SLC26A11: variants seen among roughly 807,000 people sequenced by gnomAD.
SLC26A11 encodes solute carrier family 26 member 11.
SLC26A11 carries 58 observed loss-of-function variants against 62.2 expected under a neutral mutation model. The observed-to-expected ratio is 0.93, with a 90% CI of 0.76 to 1.16. SLC26A11 has a LOEUF of 1.16. SLC26A11 is among the 50% of genes most tolerant of loss of function. The probability of loss-of-function intolerance (pLI) is 0.00; values close to 1 mark genes in which losing one functional copy is unlikely to be tolerated. For synonymous variants in SLC26A11, 411 were observed against 368.9 expected, an observed-to-expected ratio of 1.11 and a Z score of -1.31; for missense variants, 790 against 794.3, an observed-to-expected ratio of 0.99 and a Z score of 0.06.
intron 14 of SLC26A11, 90 bp downstream of exon 14, chr17:80,248,347 G>C (rs566701099): frequency 1.3e-6 from 2 of 1,488,276 alleles, no homozygotes; most frequent in East Asian, 4.9e-5. Flanking sequence ...GGTGATTGTG[G>C]TCGTGGGTGC....
intron 13 of SLC26A11, among the ~76,000 whole-genome samples, chr17:80,247,421 G>A (rs892805135): frequency 3.3e-5 from 5 of 152,142 alleles, no homozygotes; most frequent in Non-Finnish European, 4.4e-5. Flanking sequence ...AGGGGCGGCC[G>A]GGCAGAGGCG....
At chr17:80,233,597 TA>T (rs36178099) in intron 7 of SLC26A11, among the ~76,000 whole-genome samples, 3 of 151,706 alleles carry the variant, frequency 2.0e-5, no homozygotes, top group African/African-American at 4.8e-5. Context: ...TTTTTTTTTT[TA>T]TTTGACAGGA....
intron 5 of SLC26A11, among the ~76,000 whole-genome samples, chr17:80,224,344 AGTGGGT>A (rs968944602): frequency 1.3e-4 from 18 of 138,262 alleles, no homozygotes; most frequent in Non-Finnish European, 2.0e-4. Context: ...AGAGTGTGAG[AGTGGGT>A]GTGGGTGTGA....
rs759207972 is a variant in SLC26A11 at position 80,246,238 on chromosome 17, C to T, written c.1153+29C>T. ...AGGCCCCCCATCTTCCCCTTGTGCC[C>T]GCAGCCCTGAGAGTGGGAGAAAGGG... On this transcript the variant is annotated intron_variant, in intron 12 of 17. Coordinates refer to ENST00000361193, the MANE Select transcript of SLC26A11 (RefSeq NM_001166347.2). The surrounding 1 kb of genome is among the most constrained non-coding windows in gnomAD (Gnocchi z 4.4). The T allele has an allele frequency of 1.9e-5, 30 of 1,599,980 alleles. No individual in the cohort carries two copies. The highest frequency in any genetic ancestry group is 1.7e-4 in the Middle Eastern group (1 of 5,994).
chr17:80,250,002 C>T lies in SLC26A11; in HGVS notation c.1656+715C>T, dbSNP rs74000671. Among the ~76,000 whole-genome samples the T allele has an allele frequency of 5.2e-3, 798 of 152,272 alleles. 13 individuals are homozygous for T. Among genetic ancestry groups the T allele is most frequent in the African/African-American group, 0.019 (778 of 41,540 alleles). On this transcript the variant is annotated intron_variant, in intron 16 of 17. Transcript: ENST00000361193. ...GCTGAAGACGGGTTTCTATGGAGGC[C>T]GTCCTGTTCAGAGCCACAGGTAAAG...
chr17:80,248,262 C>G lies in SLC26A11; in HGVS notation c.1422+5C>G. On this transcript the variant is annotated splice_donor_5th_base_variant and intron_variant, in intron 14 of 17. Coordinates refer to ENST00000361193, the MANE Select transcript of SLC26A11 (RefSeq NM_001166347.2). ...GCAGCCAGGCCTGAGACCAAGGTAC[C>G]CCTCCGTGGCCTCTGAGTGGGGAGT... 6.2e-7 allele frequency: 1 copy of G among 1,606,064 alleles called. No homozygotes were observed. Among genetic ancestry groups the G allele is most frequent in the South Asian group, 1.1e-5 (1 of 90,296 alleles).
intron 16 of SLC26A11, among the ~76,000 whole-genome samples, 170 bp from the exon 17 acceptor site, chr17:80,251,159 T>G (rs78784470): frequency 6.6e-6 from 1 of 151,314 alleles, no homozygotes; most frequent in East Asian, 1.9e-4. Flanking sequence ...AAAAAAAAAA[T>G]CTTCCTCTGA....
chr17:80,225,412 A>G (rs1033045908), intron 5 of SLC26A11, among the ~76,000 whole-genome samples: 10 of 152,110 alleles, frequency 6.6e-5, no homozygotes, highest in Non-Finnish European at 1.3e-4. Flanking sequence ...TGAGGGAGAC[A>G]TTCTCAAGCC....
Position 80,227,114 on chromosome 17 carries a change from G to C in SLC26A11, c.594-704G>C, listed in dbSNP as rs538916529. On this transcript the variant is annotated intron_variant, in intron 6 of 17. Coordinates refer to ENST00000361193, the MANE Select transcript of SLC26A11 (RefSeq NM_001166347.2). ...TAAGCCTTCTAGAATGTCTAGAGCAGGGTGTCCAGTCTTTTGTCTTCCCTG... is the reference window on the plus strand; with the variant it reads ...TAAGCCTTCTAGAATGTCTAGAGCACGGTGTCCAGTCTTTTGTCTTCCCTG... Among the ~76,000 whole-genome samples, 15 of 152,330 alleles carry C rather than the reference G, an allele frequency of 9.8e-5. 1 individual carries two copies. The South Asian group carries it at 3.1e-3, about 32-fold the overall frequency.
chr17:80,239,391 CTT>C (rs576920538), intron 9 of SLC26A11, among the ~76,000 whole-genome samples: 10 of 131,576 alleles, frequency 7.6e-5, no homozygotes, highest in East Asian at 2.2e-4. Flanking sequence ...CCAGTAATTT[CTT>C]TTTTTTTTTT....
At chr17:80,237,822 C>A (rs1286922697) in intron 9 of SLC26A11, among the ~76,000 whole-genome samples, 1 of 152,218 alleles carries the variant, frequency 6.6e-6, no homozygotes, top group African/African-American at 2.4e-5. Flanking sequence ...GTTGTAACAG[C>A]CTCTGCTGTT....
Position 80,237,592 on chromosome 17 carries a change from T to C in SLC26A11, c.983T>C (p.Phe328Ser). The C allele has an allele frequency of 6.2e-7, 1 of 1,610,676 alleles. No homozygotes were observed. The highest frequency in any genetic ancestry group is 8.5e-7 in the Non-Finnish European group (1 of 1,178,674). The change falls in exon 9 of 18, where the codon TTC (phenylalanine) becomes TCC (serine). Residue 328 changes from phenylalanine to serine, a missense_variant and splice_region_variant. Phe to Ser is a radical substitution (Grantham distance 155). Transcript: ENST00000361193. The stretch of plus-strand genomic sequence containing the variant: ...GAGAGCATTGCGGTGGCCAAAGCCT[T>C]CGGTAAGACGCCTGTCACCCACACC... ...LLESIAVAKA[F>S]ASQNNYRIDA...
chr17:80,243,721 C>G (rs900666241), intron 10 of SLC26A11, among the ~76,000 whole-genome samples: 1 of 152,212 alleles, frequency 6.6e-6, no homozygotes, highest in Admixed American at 6.5e-5. Context: ...TTAAAAATAC[C>G]ACAGATCTAT....
intron 9 of SLC26A11, among the ~76,000 whole-genome samples, chr17:80,238,827 G>GTTTGT (rs2042776216): frequency 7.6e-6 from 1 of 130,870 alleles, no homozygotes; most frequent in African/African-American, 3.2e-5. Context: ...TTTGTTTTTT[G>GTTTGT]TTTTTTTTTT....
At chr17:80,226,810 C>A (rs1174134195) in intron 6 of SLC26A11, among the ~76,000 whole-genome samples, 1 of 152,170 alleles carries the variant, frequency 6.6e-6, no homozygotes, top group Non-Finnish European at 1.5e-5. Flanking sequence ...CTGGAAGGGG[C>A]TGGAGGAGGA....
Position 80,248,550 on chromosome 17 carries a change from C to T in SLC26A11, c.1423-25C>T, listed in dbSNP as rs1184267792. The T allele has an allele frequency of 5.8e-6, 9 of 1,552,944 alleles. 1 individual carries two copies. Among genetic ancestry groups the T allele is most frequent in the Non-Finnish European group, 7.0e-6 (8 of 1,148,532 alleles). ...GTGGAGGCCACCCGGTCAGACCCGC[C>T]TCCAGGACTCACTCCTCCCCACAGG... On this transcript the variant is annotated intron_variant, in intron 14 of 17. Transcript: ENST00000361193.
chr17:80,250,399 T>C (rs1427028787), intron 16 of SLC26A11, among the ~76,000 whole-genome samples: 1 of 152,194 alleles, frequency 6.6e-6, no homozygotes, highest in Non-Finnish European at 1.5e-5. Context: ...AGAAGCCAGG[T>C]AATCTGCCCA....
In SLC26A11 at chr17:80,252,707, C is replaced by A; in HGVS notation, c.1812C>A (p.Leu604=). ...DSILDQKVAL[L]KA is the part of the protein sequence containing the mutation. ...TTCTGGACCAAAAGGTTGCCCTGCT[C>A]AAGGCATAATGGGGCCACCCGTGGG... Residue 604 remains leucine (L), a synonymous_variant, in exon 18 of 18, where the codon CTC becomes CTA. Coordinates refer to ENST00000361193, the MANE Select transcript of SLC26A11 (RefSeq NM_001166347.2). The surrounding 1 kb of genome is among the most constrained non-coding windows in gnomAD (Gnocchi z 5.2). The A allele has an allele frequency of 1.2e-6, 2 of 1,613,664 alleles. No homozygotes were observed. The highest frequency in any genetic ancestry group is 1.1e-5 in the South Asian group (1 of 91,044).
rs2042250221 is a variant in SLC26A11, at chr17:80,222,508, A to G, written c.235-147A>G. The G allele has an allele frequency of 1.3e-5, 10 of 780,332 alleles. No homozygotes were observed. The highest frequency in any genetic ancestry group is 1.8e-5 in the Non-Finnish European group (9 of 488,812). 48.3% of individuals were successfully genotyped at this position (780,332 alleles called of 1,614,324 possible). ...AAAAAAGTGGCCTCCTGATCACTGCAGGTCCACCCACAGGGCAGGGCGGTG... is the reference window on the plus strand; with the variant it reads ...AAAAAAGTGGCCTCCTGATCACTGCGGGTCCACCCACAGGGCAGGGCGGTG... On this transcript the variant is annotated intron_variant, in intron 3 of 17. Transcript: ENST00000361193. The surrounding 1 kb of genome is among the most constrained non-coding windows in gnomAD (Gnocchi z 4.7).
Sources: allele counts gnomAD v4.1 joint callset (sites outside exome capture counted in the v4.1 genomes callset), GRCh38; gene constraint gnomAD v4.1.1; non-coding constraint Gnocchi (gnomAD v3.1); transcripts MANE v1.5; gene names NCBI Gene and HGNC (gene_info 2026-07-23, HGNC 2026-07-21).